The following ITIH1 variants were observed in gnomAD, a reference collection of about 807,000 sequenced individuals.
The protein encoded by ITIH1 is inter-alpha-trypsin inhibitor heavy chain H1.
Under a neutral mutation model 104.6 loss-of-function variants are expected in ITIH1, and 94 were observed. The ratio of observed to expected loss-of-function variants is 0.90; its 90% CI spans 0.76 to 1.07. The LOEUF (loss-of-function observed/expected upper bound fraction) is 1.07. Among genes scored for constraint, ITIH1 ranks in the 50% least tolerant of loss-of-function variants. The pLI, the probability that ITIH1 is intolerant of heterozygous loss-of-function variation, is 0.00. For missense variants in ITIH1, 1,193 were observed against 1,181.4 expected, an observed-to-expected ratio of 1.01 and a Z score of -0.14; for synonymous variants, 455 against 464.4, an observed-to-expected ratio of 0.98 and a Z score of 0.26.
intron 20 of ITIH1, 97 bp from the exon 21 acceptor site, chr3:52,791,420 T>C (rs1699352235): frequency 1.1e-6 from 1 of 941,544 alleles, no homozygotes; most frequent in East Asian, 2.5e-5. Flanking sequence ...AAAAAAGCGG[T>C]CCAGCAATGC....
chr3:52,787,261 G>C, intron 15 of ITIH1, 59 bp downstream of exon 15: 1 of 1,607,976 alleles, frequency 6.2e-7, no homozygotes, highest in Non-Finnish European at 8.5e-7. Flanking sequence ...CAGGTGGCAG[G>C]TGCTCCAGCC....
At position 52,779,360 on chromosome 3, in the gene ITIH1, A is replaced by G; in HGVS notation, c.411-72A>G. 6.8e-7 allele frequency: 1 copy of G among 1,468,670 alleles called. No homozygotes were observed. Among genetic ancestry groups the G allele is most frequent in the South Asian group, 1.1e-5 (1 of 87,796 alleles). 91.0% of individuals were successfully genotyped at this position (1,468,670 alleles called of 1,614,324 possible). ...AAGAGAAATAAATTCTGTGGGCCAC[A>G]TGTTAGGTGACAAGGACCCAAATGT... On this transcript the variant is annotated intron_variant, in intron 4 of 21. Transcript: ENST00000273283. This position sits in a 1 kb window ranked among gnomAD's most constrained non-coding sequence, Gnocchi z 4.4.
At chr3:52,781,897 G>T (rs773471980) in intron 6 of ITIH1, 43 bp from the exon 7 acceptor site, 13 of 1,608,544 alleles carry the variant, frequency 8.1e-6, no homozygotes, top group Non-Finnish European at 1.1e-5. Context: ...TCTTGTTTGT[G>T]GTTACACAGA....
At chr3:52,780,544 T>C (rs1232999993) in intron 6 of ITIH1, among the ~76,000 whole-genome samples, 162 bp downstream of exon 6, 1 of 152,146 alleles carries the variant, frequency 6.6e-6, no homozygotes, top group Admixed American at 6.5e-5. Flanking sequence ...CTAGGAGAAC[T>C]CAGCTATCCT....
At position 52,787,031 on chromosome 3, in the gene ITIH1, C is replaced by T. The variant is rs926479859; in HGVS notation, c.1820C>T (p.Thr607Ile). The T allele has an allele frequency of 1.9e-6, 3 of 1,614,148 alleles. No individual in the cohort carries two copies. The South Asian group carries it at 3.3e-5, about 18-fold the overall frequency. Residue 607 changes from threonine (T) to isoleucine (I), a missense_variant, in exon 14 of 22, where the codon ACC becomes ATC. Coordinates refer to ENST00000273283, the MANE Select transcript of ITIH1 (RefSeq NM_002215.4). ...SLDYGFVTPL[T>I]SMSIRGMADQ... ...GACTATGGGTTTGTGACCCCACTGA[C>T]CTCCATGAGCATCAGGGGCATGGCG... is the stretch of plus-strand genomic sequence containing the variant.
At chr3:52,781,078 C>T (rs1256190105) in intron 6 of ITIH1, among the ~76,000 whole-genome samples, 1 of 152,218 alleles carries the variant, frequency 6.6e-6, no homozygotes, top group African/African-American at 2.4e-5. Context: ...AGCAAACATG[C>T]TTGCTTTCTG....
In ITIH1 at chr3:52,780,382, G is replaced by A. The variant is rs1699004221; in HGVS notation, c.687G>A (p.Lys229=). 2 of 1,609,060 alleles carry A rather than the reference G, an allele frequency of 1.2e-6. No homozygotes were observed. The highest frequency in any genetic ancestry group is 1.3e-5 in the African/African-American group (1 of 74,936). ...QTIKKSFSGK[K]GHVLFRPTVS... is the part of the protein sequence containing the mutation. ...TCAAGAAGTCCTTCTCAGGAAAAAA[G>A]GTACATGGGATAGCAAGGGGGTGGT... is the stretch of plus-strand genomic sequence containing the variant. Residue 229 remains lysine, a splice_region_variant and synonymous_variant, in exon 6 of 22, where the codon AAG becomes AAA. Coordinates refer to ENST00000273283, the MANE Select transcript of ITIH1 (RefSeq NM_002215.4).
intron 8 of ITIH1, among the ~76,000 whole-genome samples, 162 bp from the exon 9 acceptor site, chr3:52,782,795 C>G (rs1699096635): frequency 6.6e-6 from 1 of 152,080 alleles, no homozygotes; most frequent in Non-Finnish European, 1.5e-5. Context: ...TCATCCACCC[C>G]AAGGCCCGGC....
At chr3:52,787,890 C>T in intron 16 of ITIH1, 96 bp from the exon 17 acceptor site, 4 of 1,269,016 alleles carry the variant, frequency 3.2e-6, no homozygotes, top group Non-Finnish European at 4.6e-6. Context: ...GGCCTCAGGC[C>T]AGCCCCACCA....
intron 5 of ITIH1, 77 bp from the exon 6 acceptor site, chr3:52,780,192 G>C: frequency 8.2e-7 from 1 of 1,219,388 alleles, no homozygotes; most frequent in Non-Finnish European, 1.2e-6. Context: ...TTGAGCCCAG[G>C]AGTTTGAGGC....
intron 16 of ITIH1, 185 bp downstream of exon 16, chr3:52,787,797 A>G: frequency 1.1e-6 from 1 of 909,292 alleles, no homozygotes; most frequent in Non-Finnish European, 1.8e-6. Context: ...GGGGCCAGCT[A>G]AACATGCCAG....
Position 52,788,232 on chromosome 3 carries a change from T to G in ITIH1, c.2006T>G (p.Val669Gly). 1 of 1,602,586 alleles carries G rather than the reference T, an allele frequency of 6.2e-7. No individual in the cohort carries two copies. Among genetic ancestry groups the G allele is most frequent in the Non-Finnish European group, 8.5e-7 (1 of 1,171,386 alleles). ...TQRLPDRVTGVDTDPHFIIHV... is the reference protein window; with the variant it reads ...TQRLPDRVTGGDTDPHFIIHV... ...AACGAATTCCATGCTGTGCCCCCAGTGGACACAGACCCTCACTTCATCATC... is the reference window on the plus strand; with the variant it reads ...AACGAATTCCATGCTGTGCCCCCAGGGGACACAGACCCTCACTTCATCATC... Residue 669 changes from valine (V) to glycine (G), a missense_variant and splice_region_variant, in exon 18 of 22, where the codon GTG becomes GGG. Coordinates refer to ENST00000273283, the MANE Select transcript of ITIH1 (RefSeq NM_002215.4).
chr3:52,790,569 G>T (rs1044067224), intron 19 of ITIH1, 180 bp from the exon 20 acceptor site: 1 of 632,738 alleles, frequency 1.6e-6, no homozygotes, highest in African/African-American at 1.8e-5. Flanking sequence ...CTGGCACATT[G>T]CAAGGGCCCC....
rs774504977 is a variant in ITIH1 at position 52,779,320 on chromosome 3, G to C, written c.411-112G>C. 2.5e-6 allele frequency: 3 copies of C among 1,206,282 alleles called. No individual in the cohort carries two copies. The highest frequency in any genetic ancestry group is 3.6e-6 in the Non-Finnish European group (3 of 829,908). 74.7% of individuals were successfully genotyped at this position (1,206,282 alleles called of 1,614,324 possible). On this transcript the variant is annotated intron_variant, in intron 4 of 21. Coordinates refer to ENST00000273283, the MANE Select transcript of ITIH1 (RefSeq NM_002215.4). The surrounding 1 kb of genome is among the most constrained non-coding windows in gnomAD (Gnocchi z 4.4). The stretch of plus-strand genomic sequence containing the variant: ...ATTTGTGAGGTCCAGGGAAACCTGG[G>C]AGCAACACTCATCTAAGAGAAATAA...
At chr3:52,791,403 C>T in intron 20 of ITIH1, 114 bp from the exon 21 acceptor site, 1 of 736,032 alleles carries the variant, frequency 1.4e-6, no homozygotes, top group Non-Finnish European at 2.3e-6. Context: ...AACAGTCAAG[C>T]CCTGGAAAAA....
At chr3:52,789,196 A>G (rs1699283521) in intron 18 of ITIH1, among the ~76,000 whole-genome samples, 1 of 152,202 alleles carries the variant, frequency 6.6e-6, no homozygotes, top group Non-Finnish European at 1.5e-5. Flanking sequence ...GGGAAGACAA[A>G]CAGGTGAACA....
chr3:52,788,338 C>T lies in ITIH1; in HGVS notation c.2112C>T (p.Pro704=), dbSNP rs1275268688. 2 of 1,594,068 alleles carry T rather than the reference C, an allele frequency of 1.3e-6. No individual in the cohort carries two copies. The highest frequency in any genetic ancestry group is 1.7e-6 in the Non-Finnish European group (2 of 1,166,694). The change falls in exon 18 of 22, where the codon CCC becomes CCT. Residue 704 remains proline (P), a synonymous_variant. Transcript: ENST00000273283. ...PGVILSLVQD[P]NTGFSVNGQL... ...TTATCCTGAGCCTGGTACAGGACCC[C>T]AACACAGGTATGGCGGGCATCACAC...
chr3:52,791,855 G>A lies in ITIH1; in HGVS notation c.2680G>A (p.Gly894Arg). The A allele has an allele frequency of 6.2e-7, 1 of 1,614,214 alleles. No homozygotes were observed. Among genetic ancestry groups the A allele is most frequent in the Non-Finnish European group, 8.5e-7 (1 of 1,180,028 alleles). ...EVSCWFIHNNGAGLIDGAYTD... is the reference protein window; with the variant it reads ...EVSCWFIHNNRAGLIDGAYTD... ...GTCCTGCTGGTTCATTCACAACAAT[G>A]GGGCTGGACTCATCGATGGTGCCTA... The change falls in exon 22 of 22, where the codon GGG (glycine) becomes AGG (arginine). Residue 894 changes from glycine to arginine, a missense_variant. Physicochemically the swap from Gly to Arg is moderately radical, Grantham distance 125 (BLOSUM62 -2). Coordinates refer to ENST00000273283, the MANE Select transcript of ITIH1 (RefSeq NM_002215.4).
intron 11 of ITIH1, 25 bp downstream of exon 11, chr3:52,784,502 C>G: frequency 6.2e-7 from 1 of 1,608,336 alleles, no homozygotes; most frequent in Non-Finnish European, 8.5e-7. Flanking sequence ...CCCCCTGTAC[C>G]TCCAATGGCA....
Sources: gnomAD v4.1 joint callset for allele counts (sites outside exome capture counted in the v4.1 genomes callset) on GRCh38, gnomAD v4.1.1 for gene constraint, Gnocchi (gnomAD v3.1) non-coding constraint, MANE v1.5 for transcripts, NCBI Gene and HGNC (gene_info 2026-07-23, HGNC 2026-07-21) for gene names.